The following L3MBTL3 variants were observed in gnomAD, a reference collection of about 807,000 sequenced individuals.
L3MBTL3 encodes the protein L3MBTL histone methyl-lysine binding protein 3.
In L3MBTL3, 27 loss-of-function variants were observed where a neutral mutation model predicts 102.3. The observed-to-expected ratio is 0.26, with a 90% confidence interval of 0.19 to 0.36. The LOEUF is 0.36. Ranked by LOEUF, L3MBTL3 falls within the 10% of genes least tolerant of loss-of-function variation. L3MBTL3 has a pLI of 1.00. For synonymous variants in L3MBTL3, 340 were observed against 320.9 expected (o/e 1.06, Z -0.64); for missense variants, 798 against 955.3 (o/e 0.84, Z 2.17).
intron 2 of L3MBTL3, among the ~76,000 whole-genome samples, chr6:130,033,253 G>C (rs1315468532): frequency 2.0e-5 from 3 of 152,158 alleles, no homozygotes; most frequent in African/African-American, 7.2e-5. Flanking sequence ...CATTCATAAG[G>C]TGATTAGCAG....
intron 1 of L3MBTL3, 33 bp from the exon 2 acceptor site, chr6:130,022,194 A>G (rs1329260598): frequency 6.6e-6 from 1 of 152,130 alleles, no homozygotes; most frequent in Non-Finnish European, 1.5e-5. Flanking sequence ...CAGTGTTTTG[A>G]TTTTACCTTC....
At chr6:130,051,509 A>T in intron 6 of L3MBTL3, 101 bp downstream of exon 6, 1 of 1,050,912 alleles carries the variant, frequency 9.5e-7, no homozygotes, top group South Asian at 1.6e-5. Flanking sequence ...TTGATCACCT[A>T]TTGATACCTT....
At chr6:130,060,907 T>C (rs891177817) in intron 10 of L3MBTL3, among the ~76,000 whole-genome samples, 1 of 152,006 alleles carries the variant, frequency 6.6e-6, no homozygotes, top group Non-Finnish European at 1.5e-5. Flanking sequence ...TCTTGTGTAC[T>C]AGTTTGAGGT....
rs1378257681 is a variant in L3MBTL3 at position 130,141,399 on chromosome 6, T to C, written c.*1646T>C. ...CAGAATTTGTACATTCAAGTTGTACTTGTTATATCTGACATGAATGAAATA... is the reference window on the plus strand; with the variant it reads ...CAGAATTTGTACATTCAAGTTGTACCTGTTATATCTGACATGAATGAAATA... On this transcript the variant is annotated 3_prime_UTR_variant, in exon 23 of 23. Transcript: ENST00000361794. The C allele has an allele frequency of 6.6e-6, 1 of 152,254 alleles. No individual in the cohort carries two copies. Among genetic ancestry groups the C allele is most frequent in the Non-Finnish European group, 1.5e-5 (1 of 68,040 alleles). The allele number at this position is 152,254 out of a possible 1,614,324, so 9.4% of individuals were successfully genotyped here. A position where few individuals can be genotyped will look rare whatever the true frequency, so the allele number is the denominator to read the frequency against.
intron 22 of L3MBTL3, among the ~76,000 whole-genome samples, chr6:130,136,482 T>A (rs755484157): frequency 8.5e-5 from 13 of 152,278 alleles, no homozygotes; most frequent in Admixed American, 2.0e-4. Flanking sequence ...GTGGCTCACT[T>A]CTTCTGCTCA....
intron 16 of L3MBTL3, among the ~76,000 whole-genome samples, chr6:130,090,880 C>T (rs757497774): frequency 9.2e-5 from 14 of 152,082 alleles, no homozygotes; most frequent in Non-Finnish European, 1.8e-4. Context: ...AACCACTGAG[C>T]CTGGCCTCAA....
At chr6:130,095,370 C>T (rs1292337725) in intron 18 of L3MBTL3, among the ~76,000 whole-genome samples, 4 of 151,968 alleles carry the variant, frequency 2.6e-5, no homozygotes. Flanking sequence ...CTTCCTTTTT[C>T]GAACAACTCT....
At chr6:130,116,175 A>G (rs777938838) in intron 19 of L3MBTL3, among the ~76,000 whole-genome samples, 20 of 152,172 alleles carry the variant, frequency 1.3e-4, no homozygotes, top group Non-Finnish European at 2.8e-4. Context: ...CCTACAATAT[A>G]AGTAATTTAT....
intron 19 of L3MBTL3, among the ~76,000 whole-genome samples, chr6:130,118,295 C>T (rs1785871967): frequency 6.6e-6 from 1 of 152,106 alleles, no homozygotes; most frequent in Non-Finnish European, 1.5e-5. Context: ...AGTAATAAAC[C>T]TTCCTTCAAG....
At chr6:130,051,073 G>A (rs1781063658) in intron 5 of L3MBTL3, among the ~76,000 whole-genome samples, 176 bp from the exon 6 acceptor site, 1 of 152,152 alleles carries the variant, frequency 6.6e-6, no homozygotes. Context: ...AATGACTTGA[G>A]TGATTTTTAC....
chr6:130,094,444 C>G (rs1201837750), intron 18 of L3MBTL3, 77 bp downstream of exon 18: 2 of 827,290 alleles, frequency 2.4e-6, no homozygotes, highest in Non-Finnish European at 3.7e-6. Context: ...TTCATATATA[C>G]TAAATTGATG....
chr6:130,042,641 T>G, intron 2 of L3MBTL3, 44 bp from the exon 3 acceptor site: 2 of 1,151,922 alleles, frequency 1.7e-6, no homozygotes, highest in South Asian at 2.5e-5. Flanking sequence ...AAAACAGATT[T>G]CCATGTGGAA....
chr6:130,117,107 T>A (rs1296941100), intron 19 of L3MBTL3, among the ~76,000 whole-genome samples: 4 of 125,822 alleles, frequency 3.2e-5, no homozygotes, highest in African/African-American at 3.0e-5. Flanking sequence ...TATCTCCCAA[T>A]GCTATCCCTC....
In L3MBTL3 at chr6:130,120,897, T is replaced by C. The variant is rs1345589812; in HGVS notation, c.1905T>C (p.Asp635=). 9 of 1,611,166 alleles carry C rather than the reference T, an allele frequency of 5.6e-6. No homozygotes were observed. The highest frequency in any genetic ancestry group is 1.1e-5 in the South Asian group (1 of 90,770). ...TTCTTAGAGACCAGCATGCTGATGATGTCAAAGAAGACTTTGAAGAGAGAA... is the reference window on the plus strand; with the variant it reads ...TTCTTAGAGACCAGCATGCTGATGACGTCAAAGAAGACTTTGAAGAGAGAA... ...SPEIRDQHAD[D]VKEDFEERTE... is the part of the protein sequence containing the mutation. The change falls in exon 20 of 23, where the codon GAT becomes GAC. Residue 635 remains aspartate (D), a synonymous_variant. Coordinates refer to ENST00000361794, the MANE Select transcript of L3MBTL3 (RefSeq NM_032438.4).
At chr6:130,025,339 A>G (rs1779276900) in intron 2 of L3MBTL3, among the ~76,000 whole-genome samples, 1 of 152,194 alleles carries the variant, frequency 6.6e-6, no homozygotes, top group South Asian at 2.1e-4. Context: ...ATATTCTCAG[A>G]TTATCTCTTT....
At chr6:130,132,990 AC>A (rs1787228081) in intron 20 of L3MBTL3, among the ~76,000 whole-genome samples, 1 of 117,872 alleles carries the variant, frequency 8.5e-6, no homozygotes, top group African/African-American at 2.5e-5. Flanking sequence ...AAAAAACCAA[AC>A]CAAGCCCTGA....
At chr6:130,063,216 T>C (rs1366417987) in intron 10 of L3MBTL3, among the ~76,000 whole-genome samples, 2 of 152,158 alleles carry the variant, frequency 1.3e-5, no homozygotes, top group African/African-American at 4.8e-5. Context: ...GTAGGGCTCG[T>C]GGATACAGAG....
chr6:130,094,307 C>T lies in L3MBTL3; in HGVS notation c.1676C>T (p.Ser559Leu), dbSNP rs41285302. 4 of 1,613,838 alleles carry T rather than the reference C, an allele frequency of 2.5e-6. No individual in the cohort carries two copies. Among genetic ancestry groups the T allele is most frequent in the Non-Finnish European group, 3.4e-6 (4 of 1,179,862 alleles). Reference protein sequence around the residue: ...LMEASEHGGCSTPGCKGIGHF... With the variant: ...LMEASEHGGCLTPGCKGIGHF... ...GAAGCTTCAGAACATGGTGGATGCTCAACCCCGGGATGTAAAGGGATTGGC... is the reference window on the plus strand; with the variant it reads ...GAAGCTTCAGAACATGGTGGATGCTTAACCCCGGGATGTAAAGGGATTGGC... The change falls in exon 18 of 23, where the codon TCA (serine) becomes TTA (leucine). Residue 559 changes from serine (S) to leucine (L), a missense_variant. This residue lies in a region of L3MBTL3 where 306 missense variants were observed against 314.4 expected (regional missense o/e 0.97). Coordinates refer to ENST00000361794, the MANE Select transcript of L3MBTL3 (RefSeq NM_032438.4).
chr6:130,082,875 A>C (rs1783452572), intron 14 of L3MBTL3, among the ~76,000 whole-genome samples: 1 of 152,222 alleles, frequency 6.6e-6, no homozygotes, highest in Non-Finnish European at 1.5e-5. Flanking sequence ...CATTAGTTCC[A>C]ATTCAAATCC....
Sources: gnomAD v4.1 joint callset for allele counts (sites outside exome capture counted in the v4.1 genomes callset) on GRCh38, gnomAD v4.1.1 for gene constraint, gnomAD v4.1.1 regional missense constraint, MANE v1.5 for transcripts, NCBI Gene and HGNC (gene_info 2026-07-23, HGNC 2026-07-21) for gene names.